Variants in FAM20C observed in about 807,000 individuals in gnomAD.
The protein encoded by FAM20C is FAM20C golgi associated secretory pathway kinase.
FAM20C carries 40 observed loss-of-function variants against 51.5 expected under a neutral mutation model. That is an observed-to-expected ratio of 0.78 (90% confidence interval 0.60 to 1.01). The LOEUF is 1.01. Among genes scored for constraint, FAM20C ranks in the 50% least tolerant of loss-of-function variants. The probability of loss-of-function intolerance (pLI) is 0.00; values close to 1 mark genes in which losing one functional copy is unlikely to be tolerated. For synonymous variants in FAM20C, 406 were observed against 380.6 expected, an observed-to-expected ratio of 1.07 and a Z score of -0.78; for missense variants, 861 against 844.7, an observed-to-expected ratio of 1.02 and a Z score of -0.24.
At chr7:230,792 TCA>T (rs1207286407) in intron 3 of FAM20C, among the ~76,000 whole-genome samples, 1 of 43,348 alleles carries the variant, frequency 2.3e-5, no homozygotes, top group African/African-American at 3.9e-5. Context: ...TTTACTGCTC[TCA>T]ATAATATACT....
At chr7:203,632 C>T (rs111579959) in intron 2 of FAM20C, among the ~76,000 whole-genome samples, 10 of 152,196 alleles carry the variant, frequency 6.6e-5, no homozygotes, top group Non-Finnish European at 1.2e-4. Flanking sequence ...GGTGGGCCCA[C>T]GGTCCACAGG....
In FAM20C at chr7:246,537, G is replaced by GACAGGTGAGCCCTTC. The variant is rs1554254770; in HGVS notation, c.956+30_956+31insACAGGTGAGCCCTTC. ...GCCCTTCCTTCCTCCCTCCATCCGC[G>GACAGGTGAGCCCTTC]CTCCCGTGCGCTCAGACCCACCGGT... On this transcript the variant is annotated intron_variant, in intron 4 of 9. Transcript: ENST00000313766. 1.5e-3 allele frequency: 2,224 copies of GACAGGTGAGCCCTTC among 1,458,438 alleles called. 40 individuals carry two copies. Among genetic ancestry groups the GACAGGTGAGCCCTTC allele is most frequent in the African/African-American group, 2.6e-3 (170 of 65,036 alleles). 90.3% of individuals were successfully genotyped at this position (1,458,438 alleles called of 1,614,324 possible).
intron 5 of FAM20C, among the ~76,000 whole-genome samples, chr7:250,632 C>T (rs1221906991): frequency 6.6e-6 from 1 of 152,206 alleles, no homozygotes; most frequent in Non-Finnish European, 1.5e-5. Context: ...CTAAGCACGC[C>T]TGAGCTCCGG....
At chr7:259,600 G>GTGTCTCTCTTTTTCTGTGTATT in intron 9 of FAM20C, 131 bp from the exon 10 acceptor site, 1 of 799,070 alleles carries the variant, frequency 1.3e-6, no homozygotes, top group African/African-American at 6.7e-5. Context: ...TTTTCTCTCT[G>GTGTCTCTCTTTTTCTGTGTATT]TCTCTGTCCC....
At position 248,208 on chromosome 7, in the gene FAM20C, G is replaced by C. The variant is rs142310673; in HGVS notation, c.957-107G>C. On this transcript the variant is annotated intron_variant, in intron 4 of 9. Transcript: ENST00000313766. ...CAGGGACACAGAGGCCCGCTGAGCC[G>C]CACAGAGCACAGACCCTCCCCTGCC... The C allele has an allele frequency of 0.1, 67,044 of 663,620 alleles. 4,092 individuals carry two copies. The highest frequency in any genetic ancestry group is 0.11 in the Non-Finnish European group (44,762 of 397,496). The allele number at this position is 663,620 out of a possible 1,614,324, so 41.1% of individuals were successfully genotyped here.
intron 9 of FAM20C, among the ~76,000 whole-genome samples, chr7:258,918 C>T (rs535307218): frequency 1.3e-5 from 2 of 152,316 alleles, no homozygotes; most frequent in South Asian, 2.1e-4. Context: ...CCATCCAGCT[C>T]GAGCCCCCTC....
Position 215,291 on chromosome 7 carries a change from CGTGGTGTATGGAGAGGATGGGG to C in FAM20C, c.863+6316_863+6337del, listed in dbSNP as rs1562375460. The stretch of plus-strand genomic sequence containing the variant: ...GGAGCTGGGTGGGGGGAGCAGGGCC[CGTGGTGTATGGAGAGGATGGGG>C]CTGGGTGGGGGGGGCAGGGCCCGTG... On this transcript the variant is annotated intron_variant, in intron 3 of 9. Coordinates refer to ENST00000313766, the MANE Select transcript of FAM20C (RefSeq NM_020223.4). Among the ~76,000 whole-genome samples the C allele has an allele frequency of 2.7e-3, 51 of 18,726 alleles. 1 individual carries two copies. The highest frequency in any genetic ancestry group is 3.7e-3 in the Non-Finnish European group (31 of 8,378). 12.3% of individuals were successfully genotyped at this position (18,726 alleles called of 152,430 possible).
intron 2 of FAM20C, among the ~76,000 whole-genome samples, chr7:196,670 C>T (rs1785888504): frequency 6.6e-6 from 1 of 152,178 alleles, no homozygotes; most frequent in South Asian, 2.1e-4. Context: ...CTGAAAGGGT[C>T]CCAGCAGCCT....
chr7:206,566 A>G (rs1583287470), intron 2 of FAM20C, among the ~76,000 whole-genome samples: 1 of 64,386 alleles, frequency 1.6e-5, no homozygotes, highest in African/African-American at 4.6e-5. Flanking sequence ...CGCGTCGGTC[A>G]CTGTCCCCTC....
intron 5 of FAM20C, among the ~76,000 whole-genome samples, chr7:251,622 G>C (rs1284969327): frequency 6.6e-6 from 1 of 152,206 alleles, no homozygotes; most frequent in Non-Finnish European, 1.5e-5. Context: ...TCCTCAGCAG[G>C]CCAGGGACGG....
chr7:219,133 G>A (rs1787135610), intron 3 of FAM20C, among the ~76,000 whole-genome samples: 1 of 152,134 alleles, frequency 6.6e-6, no homozygotes, highest in Non-Finnish European at 1.5e-5. Flanking sequence ...GTTGCCTTCT[G>A]CGGTTCTTGT....
intron 5 of FAM20C, among the ~76,000 whole-genome samples, chr7:254,542 C>G (rs138322496): frequency 0.049 from 7,477 of 152,304 alleles, 243 homozygotes; most frequent in Non-Finnish European, 0.076. Context: ...GCAGTGAACC[C>G]GCACTGCTAG....
intron 3 of FAM20C, among the ~76,000 whole-genome samples, chr7:230,372 TG>T (rs58866144): frequency 0.1 from 769 of 7,442 alleles, 26 homozygotes; most frequent in Admixed American, 0.25. Flanking sequence ...CAGGACGGGG[TG>T]GGGGGGGGGG....
chr7:259,608 C>T, intron 9 of FAM20C, 123 bp from the exon 10 acceptor site: 2 of 1,200,028 alleles, frequency 1.7e-6, no homozygotes, highest in South Asian at 3.3e-5. Flanking sequence ...CTGTCTCTGT[C>T]CCCCTCTTTC....
chr7:198,639 C>T (rs1466485704), intron 2 of FAM20C, among the ~76,000 whole-genome samples: 4 of 152,190 alleles, frequency 2.6e-5, no homozygotes, highest in Non-Finnish European at 5.9e-5. Context: ...CCTTTGTCAT[C>T]GAAATACCTG....
intron 2 of FAM20C, among the ~76,000 whole-genome samples, chr7:196,385 G>C (rs1359066888): frequency 6.6e-6 from 1 of 152,252 alleles, no homozygotes; most frequent in Non-Finnish European, 1.5e-5. Flanking sequence ...GCTTCTGAGC[G>C]TGGAGGTTTG....
At chr7:222,358 G>T (rs1787264255) in intron 3 of FAM20C, among the ~76,000 whole-genome samples, 1 of 152,116 alleles carries the variant, frequency 6.6e-6, no homozygotes, top group Non-Finnish European at 1.5e-5. Flanking sequence ...CTGCAGTTGG[G>T]TACTGAGAGC....
chr7:231,534 G>T (rs369094211), intron 3 of FAM20C, among the ~76,000 whole-genome samples: 14 of 151,816 alleles, frequency 9.2e-5, no homozygotes, highest in African/African-American at 2.4e-4. Flanking sequence ...GGCGTGGAGG[G>T]CTCCGTGGGA....
rs1198778266 is a variant in FAM20C at position 193,352 on chromosome 7, C to T, written c.153C>T (p.Pro51=). 4.7e-6 allele frequency: 6 copies of T among 1,284,474 alleles called. No individual in the cohort carries two copies. Among genetic ancestry groups the T allele is most frequent in the African/African-American group, 1.6e-5 (1 of 63,436 alleles). 79.6% of individuals were successfully genotyped at this position (1,284,474 alleles called of 1,614,324 possible). The change falls in exon 1 of 10, where the codon CCC becomes CCT. Residue 51 remains proline (P), a synonymous_variant. Coordinates refer to ENST00000313766, the MANE Select transcript of FAM20C (RefSeq NM_020223.4). The part of the protein sequence containing the change: ...SGEPGCSCAQ[P]AAEVAAPGWA... ...AGCCCGGCTGTTCGTGCGCGCAGCC[C>T]GCCGCCGAGGTGGCCGCGCCCGGCT...
Sources: gnomAD v4.1 joint callset for allele counts (sites outside exome capture counted in the v4.1 genomes callset) on GRCh38, gnomAD v4.1.1 for gene constraint, MANE v1.5 for transcripts, NCBI Gene and HGNC (gene_info 2026-07-23, HGNC 2026-07-21) for gene names.